Variants in PLG observed in about 807,000 individuals in gnomAD.
PLG encodes plasminogen.
Under a neutral mutation model 104.4 loss-of-function variants are expected in PLG, and 41 were observed. The ratio of observed to expected loss-of-function variants is 0.39; its 90% CI spans 0.31 to 0.51. PLG has a LOEUF of 0.51. PLG is among the 20% of genes least tolerant of loss of function. The pLI, the probability that PLG is intolerant of heterozygous loss-of-function variation, is 0.76. For synonymous variants in PLG, 337 were observed against 357.1 expected, an observed-to-expected ratio of 0.94 and a Z score of 0.63; for missense variants, 891 against 1,003.6, an observed-to-expected ratio of 0.89 and a Z score of 1.52.
chr6:160,716,808 G>T (rs748894824), intron 7 of PLG, 45 bp downstream of exon 7: 2 of 1,155,098 alleles, frequency 1.7e-6, no homozygotes, highest in Non-Finnish European at 2.6e-6. Flanking sequence ...GACCTGCCCT[G>T]TTCTTGAAAT....
Position 160,739,891 on chromosome 6 carries a change from C to G in PLG, c.2018+683C>G, listed in dbSNP as rs1778160231. Among the ~76,000 whole-genome samples, 1 of 152,000 alleles carries G rather than the reference C, an allele frequency of 6.6e-6. No individual in the cohort carries two copies. The highest frequency in any genetic ancestry group is 1.5e-5 in the Non-Finnish European group (1 of 68,020). On this transcript the variant is annotated intron_variant, in intron 16 of 18. Transcript: ENST00000308192. This position sits in a 1 kb window ranked among gnomAD's most constrained non-coding sequence, Gnocchi z 4.4. ...ATTGTCTTCTTTGATTTGATTTTCT[C>G]TTTCCTGTTGAAATGTTGTTTCACT... is the stretch of plus-strand genomic sequence containing the variant.
In PLG at chr6:160,711,075, A is replaced by G; in HGVS notation, c.293-2A>G. 1 of 1,613,204 alleles carries G rather than the reference A, an allele frequency of 6.2e-7. No homozygotes were observed. Among genetic ancestry groups the G allele is most frequent in the Non-Finnish European group, 8.5e-7 (1 of 1,179,242 alleles). ...TTGACCACTGTGTGGACTTCCCTTC[A>G]GTGTATCTCTCAGAGTGCAAGACTG... On this transcript the variant is annotated splice_acceptor_variant, in intron 3 of 18. Coordinates refer to ENST00000308192, the MANE Select transcript of PLG (RefSeq NM_000301.5). LOFTEE classifies it high-confidence loss of function.
In PLG at chr6:160,735,702, T is replaced by C. The variant is rs892318515; in HGVS notation, c.1682-1185T>C. 2.0e-5 allele frequency among the ~76,000 whole-genome samples: 3 copies of C among 152,220 alleles called. No homozygotes were observed. Among genetic ancestry groups the C allele is most frequent in the African/African-American group, 7.2e-5 (3 of 41,464 alleles). Reference sequence around the variant, plus strand: ...TAACTATTTCCTTTCCACCAACATATACAGTACAAATAATAATAAGCAAAA... The same window carrying C: ...TAACTATTTCCTTTCCACCAACATACACAGTACAAATAATAATAAGCAAAA... On this transcript the variant is annotated intron_variant, in intron 13 of 18. Transcript: ENST00000308192. This position sits in a 1 kb window ranked among gnomAD's most constrained non-coding sequence, Gnocchi z 5.4.
intron 6 of PLG, among the ~76,000 whole-genome samples, chr6:160,716,157 T>G (rs1429121562): frequency 1.3e-5 from 2 of 152,248 alleles, no homozygotes; most frequent in African/African-American, 2.4e-5. Flanking sequence ...ATGAGTATCT[T>G]TAGGCAGGGA....
At position 160,723,766 on chromosome 6, in the gene PLG, C is replaced by T. The variant is rs1225673027; in HGVS notation, c.1256+1199C>T. Among the ~76,000 whole-genome samples the T allele has an allele frequency of 6.6e-6, 1 of 152,152 alleles. No individual in the cohort carries two copies. The highest frequency in any genetic ancestry group is 1.5e-5 in the Non-Finnish European group (1 of 68,034). On this transcript the variant is annotated intron_variant, in intron 10 of 18. Coordinates refer to ENST00000308192, the MANE Select transcript of PLG (RefSeq NM_000301.5). This position sits in a 1 kb window ranked among gnomAD's most constrained non-coding sequence, Gnocchi z 4.7. The stretch of plus-strand genomic sequence containing the variant: ...AAAAACTGCAGGGGAACAGTGAGCT[C>T]AATGGAGATGCCAGAGCTCACATAG...
intron 9 of PLG, 137 bp downstream of exon 9, chr6:160,718,975 GT>G (rs1777789890): frequency 7.7e-6 from 6 of 776,738 alleles, no homozygotes; most frequent in East Asian, 5.3e-5. Flanking sequence ...TATGATTTCA[GT>G]TTTTTTAGAT....
rs1777788926 is a variant in PLG, at chr6:160,718,894, T to C, written c.1096+56T>C. 2.8e-6 allele frequency: 4 copies of C among 1,452,262 alleles called. No homozygotes were observed. In the South Asian group the frequency reaches 3.4e-5, roughly 12 times the overall value. 90.0% of individuals were successfully genotyped at this position (1,452,262 alleles called of 1,614,324 possible). A position where few individuals can be genotyped will look rare whatever the true frequency, so the allele number is the denominator to read the frequency against. Reference sequence around the variant, plus strand: ...CCCAAGTTTTCTCCTTATTTTTGTATACCAGTGGCATCATCACAATATACA... The same window carrying C: ...CCCAAGTTTTCTCCTTATTTTTGTACACCAGTGGCATCATCACAATATACA... On this transcript the variant is annotated intron_variant, in intron 9 of 18. Coordinates refer to ENST00000308192, the MANE Select transcript of PLG (RefSeq NM_000301.5).
Position 160,724,443 on chromosome 6 carries a change from TAAAG to T in PLG, c.1256+1880_1256+1883del, listed in dbSNP as rs961062514. On this transcript the variant is annotated intron_variant, in intron 10 of 18. Coordinates refer to ENST00000308192, the MANE Select transcript of PLG (RefSeq NM_000301.5). The surrounding 1 kb of genome is among the most constrained non-coding windows in gnomAD (Gnocchi z 5.0). ...CACACACATACAAAGACTGAAAAGA[TAAAG>T]AAACAGAGCCTCAAGAATATCTATG... Among the ~76,000 whole-genome samples the T allele has an allele frequency of 3.3e-5, 5 of 151,894 alleles. No homozygotes were observed. The highest frequency in any genetic ancestry group is 2.1e-4 in the South Asian group (1 of 4,812).
At position 160,713,014 on chromosome 6, in the gene PLG, G is replaced by A. The variant is rs1320407712; in HGVS notation, c.436G>A (p.Gly146Arg). 6.2e-6 allele frequency: 10 copies of A among 1,608,208 alleles called. No individual in the cohort carries two copies. The highest frequency in any genetic ancestry group is 7.6e-6 in the Non-Finnish European group (9 of 1,176,494). ...RFSPATHPSE[G>R]LEENYCRNPD... is the part of the protein sequence containing the mutation. ...CTCACCTGCTACACACCCCTCAGAG[G>A]GACTGGAGGAGAACTACTGCAGGAA... Residue 146 changes from glycine (G) to arginine (R), a missense_variant, in exon 5 of 19, where the codon GGA (glycine) becomes AGA (arginine). By Grantham distance (125) the Gly-to-Arg change is moderately radical (BLOSUM62 -2). Around this residue, in one of 2 missense-constraint regions of PLG, gnomAD observed 854 missense variants for 932.1 expected, o/e 0.92. Transcript: ENST00000308192.
intron 17 of PLG, among the ~76,000 whole-genome samples, chr6:160,746,594 G>C (rs999946030): frequency 1.3e-5 from 2 of 152,150 alleles, no homozygotes; most frequent in Non-Finnish European, 2.9e-5. Context: ...GGATCTTGAT[G>C]ATCTTCATTC....
At chr6:160,709,113 T>A (rs1777587574) in intron 3 of PLG, among the ~76,000 whole-genome samples, 3 of 152,184 alleles carry the variant, frequency 2.0e-5, no homozygotes, top group Admixed American at 2.0e-4. Flanking sequence ...CTTAGTTTGC[T>A]TGTTTTCAAA....
rs981392655 is a variant in PLG, at chr6:160,737,762, C to T, written c.1802+755C>T. On this transcript the variant is annotated intron_variant, in intron 14 of 18. Transcript: ENST00000308192. This position sits in a 1 kb window ranked among gnomAD's most constrained non-coding sequence, Gnocchi z 4.7. Reference sequence around the variant, plus strand: ...CTCTTTTCCATAAGTTTGTGAAATGCCATCGACAAACCTGATCGCATTGCA... The same window carrying T: ...CTCTTTTCCATAAGTTTGTGAAATGTCATCGACAAACCTGATCGCATTGCA... Among the ~76,000 whole-genome samples the T allele has an allele frequency of 5.3e-5, 8 of 152,190 alleles. No individual in the cohort carries two copies. Among genetic ancestry groups the T allele is most frequent in the Admixed American group, 2.6e-4 (4 of 15,288 alleles).
chr6:160,747,611 T>C (rs1778299347), intron 17 of PLG, among the ~76,000 whole-genome samples: 2 of 85,826 alleles, frequency 2.3e-5, no homozygotes. Context: ...AAGTTTTCAT[T>C]TGAAGAAAGG....
At chr6:160,706,057 G>C (rs1378284440) in intron 1 of PLG, 1 of 315,120 alleles carries the variant, frequency 3.2e-6, no homozygotes, top group Admixed American at 4.6e-5. Context: ...GTGCAGGTGT[G>C]TTACATAACT....
chr6:160,709,949 A>T (rs999665143), intron 3 of PLG, among the ~76,000 whole-genome samples: 16 of 152,336 alleles, frequency 1.1e-4, no homozygotes, highest in African/African-American at 3.1e-4. Flanking sequence ...AGTGTACTTG[A>T]CACCTTTTGA....
Position 160,713,117 on chromosome 6 carries a change from A to T in PLG, c.539A>T (p.Glu180Val). ...EKRYDYCDIL[E>V]CEEECMHCSG... The stretch of plus-strand genomic sequence containing the variant: ...AGATATGACTACTGCGACATTCTTG[A>T]GTGTGAAGGTCAGGAGTGGTTCTAG... The change falls in exon 5 of 19, where the codon GAG (glutamate) becomes GTG (valine). Residue 180 changes from glutamate to valine, a missense_variant. Coordinates refer to ENST00000308192, the MANE Select transcript of PLG (RefSeq NM_000301.5). 2 of 1,610,320 alleles carry T rather than the reference A, an allele frequency of 1.2e-6. No homozygotes were observed. The highest frequency in any genetic ancestry group is 1.7e-6 in the Non-Finnish European group (2 of 1,178,306).
chr6:160,729,115 G>C (rs1053225414), intron 10 of PLG, among the ~76,000 whole-genome samples: 1 of 151,758 alleles, frequency 6.6e-6, no homozygotes, highest in African/African-American at 2.4e-5. Context: ...ATTTCTCAGG[G>C]AACGATGGAC....
Position 160,736,844 on chromosome 6 carries a change from T to C in PLG, c.1682-43T>C, listed in dbSNP as rs1447432623. The C allele has an allele frequency of 9.9e-6, 16 of 1,611,760 alleles. No individual in the cohort carries two copies. The highest frequency in any genetic ancestry group is 1.3e-5 in the Non-Finnish European group (15 of 1,178,598). ...GTCTCGAATTACACCACAAAATTGC[T>C]ACCTTGTCTCAAATGGGATTTCTTT... is the stretch of plus-strand genomic sequence containing the variant. On this transcript the variant is annotated intron_variant, in intron 13 of 18. Transcript: ENST00000308192. This position sits in a 1 kb window ranked among gnomAD's most constrained non-coding sequence, Gnocchi z 5.2.
intron 9 of PLG, among the ~76,000 whole-genome samples, chr6:160,721,909 A>T (rs1214363026): frequency 6.6e-6 from 1 of 151,942 alleles, no homozygotes; most frequent in Admixed American, 6.6e-5. Flanking sequence ...TGCCTCCACC[A>T]CTCTCTGAGA....
Sources: gnomAD v4.1 joint callset for allele counts (sites outside exome capture counted in the v4.1 genomes callset) on GRCh38, gnomAD v4.1.1 for gene constraint, gnomAD v4.1.1 regional missense constraint, Gnocchi (gnomAD v3.1) non-coding constraint, MANE v1.5 for transcripts, NCBI Gene and HGNC (gene_info 2026-07-23, HGNC 2026-07-21) for gene names.